The following PIP5K1B variants were observed in gnomAD, a reference collection of about 807,000 sequenced individuals.
PIP5K1B encodes phosphatidylinositol 4-phosphate 5-kinase type-1 beta.
In PIP5K1B, 42 loss-of-function variants were observed where a neutral mutation model predicts 67.0. The ratio of observed to expected loss-of-function variants is 0.63; its 90% confidence interval spans 0.49 to 0.81. The LOEUF (loss-of-function observed/expected upper bound fraction) is 0.81. PIP5K1B is among the 30% of genes least tolerant of loss of function. PIP5K1B has a pLI of 0.00. For synonymous variants in PIP5K1B, 214 were observed against 231.4 expected (o/e 0.92, Z 0.68); for missense variants, 459 against 646.3 (o/e 0.71, Z 3.14).
chr9:68,752,785 T>C (rs1271706890), intron 2 of PIP5K1B, among the ~76,000 whole-genome samples: 1 of 148,644 alleles, frequency 6.7e-6, no homozygotes. Flanking sequence ...ACAAAAACTC[T>C]TTATTGGTTA....
intron 4 of PIP5K1B, among the ~76,000 whole-genome samples, chr9:68,832,153 A>G (rs1002722145): frequency 7.9e-5 from 12 of 152,268 alleles, no homozygotes; most frequent in Admixed American, 4.6e-4. Context: ...GGCACTGTGC[A>G]TAACACTAGA....
intron 1 of PIP5K1B, among the ~76,000 whole-genome samples, chr9:68,716,992 C>T (rs547250577): frequency 6.6e-6 from 1 of 152,266 alleles, no homozygotes; most frequent in African/African-American, 2.4e-5. Context: ...CAGAAGCAAC[C>T]AAATACCGCG....
At chr9:68,796,337 T>G (rs1397159810) in intron 2 of PIP5K1B, among the ~76,000 whole-genome samples, 1 of 151,002 alleles carries the variant, frequency 6.6e-6, no homozygotes, top group East Asian at 1.9e-4. Context: ...AATGTTCTGA[T>G]GTACATCTGA....
intron 8 of PIP5K1B, 22 bp from the exon 9 acceptor site, chr9:68,917,526 C>T (rs1278113599): frequency 6.3e-7 from 1 of 1,590,212 alleles, no homozygotes; most frequent in Non-Finnish European, 8.6e-7. Context: ...TGACTGGCTT[C>T]CTGGTTCTTT....
intron 2 of PIP5K1B, among the ~76,000 whole-genome samples, chr9:68,756,729 T>C (rs2132373097): frequency 6.6e-6 from 1 of 152,318 alleles, no homozygotes; most frequent in East Asian, 1.9e-4. Flanking sequence ...AAAATACTTG[T>C]ATGCATCTCA....
chr9:68,709,080 A>G (rs1459398396), intron 1 of PIP5K1B, among the ~76,000 whole-genome samples: 1 of 152,190 alleles, frequency 6.6e-6, no homozygotes, highest in Non-Finnish European at 1.5e-5. Flanking sequence ...TTCTATGGTG[A>G]AGGTACAGTT....
chr9:68,899,673 A>G (rs1387899889), intron 8 of PIP5K1B, among the ~76,000 whole-genome samples: 1 of 152,244 alleles, frequency 6.6e-6, no homozygotes, highest in Non-Finnish European at 1.5e-5. Context: ...TTGTCCTCCT[A>G]TCAAGAGTCA....
At chr9:68,727,408 AT>A (rs1402901395) in intron 1 of PIP5K1B, among the ~76,000 whole-genome samples, 2 of 152,202 alleles carry the variant, frequency 1.3e-5, no homozygotes, top group African/African-American at 4.8e-5. Flanking sequence ...CATATTGGTA[AT>A]TAGGACATAA....
At chr9:68,855,680 T>C (rs1272377211) in intron 4 of PIP5K1B, among the ~76,000 whole-genome samples, 1 of 152,170 alleles carries the variant, frequency 6.6e-6, no homozygotes, top group African/African-American at 2.4e-5. Flanking sequence ...CCTCTGCCCA[T>C]CCTCTCGTTC....
At chr9:68,854,959 G>T (rs996138390) in intron 4 of PIP5K1B, among the ~76,000 whole-genome samples, 5 of 152,056 alleles carry the variant, frequency 3.3e-5, no homozygotes, top group Non-Finnish European at 7.3e-5. Context: ...CTAAGTTAAG[G>T]ATCACTTCTA....
intron 8 of PIP5K1B, among the ~76,000 whole-genome samples, chr9:68,907,217 C>A (rs1825657392): frequency 6.6e-6 from 1 of 152,092 alleles, no homozygotes; most frequent in Non-Finnish European, 1.5e-5. Flanking sequence ...CCTGTTTTAT[C>A]CTCCATTTTT....
chr9:68,798,285 A>G (rs1435651372), intron 2 of PIP5K1B, among the ~76,000 whole-genome samples: 1 of 152,138 alleles, frequency 6.6e-6, no homozygotes, highest in Non-Finnish European at 1.5e-5. Context: ...CACTTGGTAA[A>G]TATTTCTTGA....
chr9:68,905,250 G>C (rs1009009332), intron 8 of PIP5K1B, among the ~76,000 whole-genome samples: 1 of 152,156 alleles, frequency 6.6e-6, no homozygotes, highest in Non-Finnish European at 1.5e-5. Flanking sequence ...GGAGTGCAGA[G>C]AGGAAAGCTA....
intron 4 of PIP5K1B, among the ~76,000 whole-genome samples, chr9:68,841,438 G>A (rs1821913520): frequency 6.6e-6 from 1 of 152,184 alleles, no homozygotes; most frequent in Non-Finnish European, 1.5e-5. Flanking sequence ...TCCAGAAGAA[G>A]GAAATGATAT....
At chr9:68,917,794 CTG>C in intron 9 of PIP5K1B, 35 bp downstream of exon 9, 1 of 1,471,566 alleles carries the variant, frequency 6.8e-7, no homozygotes, top group Middle Eastern at 2.0e-4. Context: ...ACCCTCTTGA[CTG>C]TGGCAGCCCA....
At chr9:68,757,221 T>C (rs1429661046) in intron 2 of PIP5K1B, among the ~76,000 whole-genome samples, 1 of 152,208 alleles carries the variant, frequency 6.6e-6, no homozygotes, top group African/African-American at 2.4e-5. Flanking sequence ...ACTAAGTGGC[T>C]GCATGTGGCT....
chr9:68,829,134 A>T (rs1287087471), intron 4 of PIP5K1B, among the ~76,000 whole-genome samples: 1 of 152,168 alleles, frequency 6.6e-6, no homozygotes, highest in Admixed American at 6.5e-5. Flanking sequence ...CTTTCTATGC[A>T]TATTTAATTT....
In PIP5K1B at chr9:68,901,555, A is replaced by G; in HGVS notation, c.771+6917A>G. Among the ~76,000 whole-genome samples, 2 of 152,238 alleles carry G rather than the reference A, an allele frequency of 1.3e-5. 1 individual carries two copies. Among genetic ancestry groups the G allele is most frequent in the East Asian group, 3.8e-4 (2 of 5,198 alleles). ...ATTACAGGTGTGAAGCACCATGCCCAGCCAAATCCACTGTCTTTCAAAGTG... is the reference window on the plus strand; with the variant it reads ...ATTACAGGTGTGAAGCACCATGCCCGGCCAAATCCACTGTCTTTCAAAGTG... On this transcript the variant is annotated intron_variant, in intron 8 of 15. Transcript: ENST00000265382.
intron 14 of PIP5K1B, among the ~76,000 whole-genome samples, chr9:68,958,685 G>T (rs1828542450): frequency 6.6e-6 from 1 of 152,070 alleles, no homozygotes; most frequent in Non-Finnish European, 1.5e-5. Flanking sequence ...AATTAGATGG[G>T]CTCTGTGGAA....
Sources: gnomAD v4.1 joint callset for allele counts (sites outside exome capture counted in the v4.1 genomes callset) on GRCh38, gnomAD v4.1.1 for gene constraint, MANE v1.5 for transcripts, NCBI Gene and HGNC (gene_info 2026-07-23, HGNC 2026-07-21) for gene names.